Variants in NAP1L4 observed in about 807,000 individuals in gnomAD.
NAP1L4 encodes the protein nucleosome assembly protein 1-like 4.
NAP1L4 carries 15 observed loss-of-function variants against 58.2 expected under a neutral mutation model. That is an observed-to-expected ratio of 0.26 (90% confidence interval 0.17 to 0.40). The LOEUF is 0.40. NAP1L4 is among the 10% of genes least tolerant of loss of function. The probability of loss-of-function intolerance (pLI) is 1.00; values close to 1 mark genes in which losing one functional copy is unlikely to be tolerated. For missense variants in NAP1L4, 384 were observed against 451.1 expected (o/e 0.85, Z 1.35); for synonymous variants, 171 against 155.6 (o/e 1.10, Z -0.74).
intron 6 of NAP1L4, among the ~76,000 whole-genome samples, chr11:2,970,634 A>G (rs150707705): frequency 2.6e-3 from 403 of 152,262 alleles, no homozygotes; most frequent in African/African-American, 9.4e-3. Flanking sequence ...AGATGCAACT[A>G]TGGGAAATTC....
At chr11:2,964,823 T>C (rs938362354) in intron 7 of NAP1L4, 72 bp from the exon 8 acceptor site, 3 of 1,107,780 alleles carry the variant, frequency 2.7e-6, no homozygotes, top group Non-Finnish European at 2.7e-6. Context: ...AGAGTCATGG[T>C]TGCAGAGGCT....
chr11:2,984,727 C>T (rs537851262), intron 1 of NAP1L4, among the ~76,000 whole-genome samples: 16 of 152,312 alleles, frequency 1.1e-4, no homozygotes, highest in Admixed American at 3.9e-4. Context: ...ACCTCAGTTT[C>T]ATCATCCACA....
chr11:2,964,846 A>C, intron 7 of NAP1L4, 95 bp from the exon 8 acceptor site: 1 of 860,378 alleles, frequency 1.2e-6, no homozygotes, highest in East Asian at 2.6e-5. Context: ...CAGATGTTGC[A>C]TAACTAGCCC....
Position 2,944,909 on chromosome 11 carries a change from C to G in NAP1L4, c.*770G>C, listed in dbSNP as rs1470996045. The G allele has an allele frequency of 6.6e-6, 1 of 152,194 alleles. No homozygotes were observed. The highest frequency in any genetic ancestry group is 1.5e-5 in the Non-Finnish European group (1 of 68,060). The allele number at this position is 152,194 out of a possible 1,614,324, so 9.4% of individuals were successfully genotyped here. A position where few individuals can be genotyped will look rare whatever the true frequency, so the allele number is the denominator to read the frequency against. ...GTGGCACATCTTCCTGCTCAGGGCA[C>G]CAAGGTGGTTCAGAAACGTTAAGGA... is the stretch of plus-strand genomic sequence containing the variant. On this transcript the variant is annotated 3_prime_UTR_variant, in exon 16 of 16. Coordinates refer to ENST00000380542, the MANE Select transcript of NAP1L4 (RefSeq NM_005969.4).
chr11:2,981,072 C>T (rs1475809765), intron 1 of NAP1L4, among the ~76,000 whole-genome samples: 1 of 146,794 alleles, frequency 6.8e-6, no homozygotes, highest in Non-Finnish European at 1.5e-5. Flanking sequence ...TCTACAAAAA[C>T]AAACAAACAA....
intron 12 of NAP1L4, among the ~76,000 whole-genome samples, chr11:2,953,730 G>A (rs1407396040): frequency 6.6e-6 from 1 of 152,270 alleles, no homozygotes; most frequent in African/African-American, 2.4e-5. Context: ...GTGAGGAGAT[G>A]TTGGCCTTTA....
chr11:2,964,558 C>G (rs904521682), intron 8 of NAP1L4, 122 bp downstream of exon 8: 1 of 738,108 alleles, frequency 1.4e-6, no homozygotes, highest in Non-Finnish European at 2.3e-6. Flanking sequence ...TCGCCCAGGG[C>G]TGCCCAGCAG....
At chr11:2,953,440 C>T (rs534813949) in intron 12 of NAP1L4, among the ~76,000 whole-genome samples, 9 of 152,216 alleles carry the variant, frequency 5.9e-5, no homozygotes, top group Non-Finnish European at 1.2e-4. Context: ...TATTTCAAGT[C>T]CTCAAGTGGT....
rs977733815 is a variant in NAP1L4 at position 2,955,970 on chromosome 11, C to A, written c.893-204G>T. Among the ~76,000 whole-genome samples, 1 of 152,050 alleles carries A rather than the reference C, an allele frequency of 6.6e-6. No individual in the cohort carries two copies. Among genetic ancestry groups the A allele is most frequent in the Non-Finnish European group, 1.5e-5 (1 of 68,004 alleles). On this transcript the variant is annotated intron_variant, in intron 10 of 15. Coordinates refer to ENST00000380542, the MANE Select transcript of NAP1L4 (RefSeq NM_005969.4). The surrounding 1 kb of genome is among the most constrained non-coding windows in gnomAD (Gnocchi z 4.2). ...ACTTCTGAAGCTGGCCTGAGTGCCT[C>A]TATGCCCCCCTCCCTTCTCCTCCTC...
intron 10 of NAP1L4, among the ~76,000 whole-genome samples, chr11:2,956,183 CT>C (rs1397330077): frequency 1.3e-5 from 2 of 152,222 alleles, no homozygotes; most frequent in Non-Finnish European, 2.9e-5. Flanking sequence ...GTCCTTAAGC[CT>C]TATAAGCTGT....
intron 8 of NAP1L4, among the ~76,000 whole-genome samples, chr11:2,962,118 T>C (rs1475680799): frequency 6.6e-6 from 1 of 151,810 alleles, no homozygotes; most frequent in African/African-American, 2.4e-5. Context: ...TGAACGACCT[T>C]TGGGCCTTCT....
chr11:2,974,987 G>A (rs373209770), intron 4 of NAP1L4, among the ~76,000 whole-genome samples: 1 of 151,994 alleles, frequency 6.6e-6, no homozygotes, highest in Non-Finnish European at 1.5e-5. Context: ...CTGGATGACA[G>A]AGCAAGAGTC....
intron 4 of NAP1L4, among the ~76,000 whole-genome samples, chr11:2,974,291 TC>T (rs1360524574): frequency 6.6e-6 from 1 of 152,150 alleles, no homozygotes; most frequent in African/African-American, 2.4e-5. Context: ...CCCCCAACAG[TC>T]CTTCAATCAT....
chr11:2,975,431 C>G (rs935799268), intron 4 of NAP1L4, among the ~76,000 whole-genome samples: 4 of 152,110 alleles, frequency 2.6e-5, no homozygotes, highest in African/African-American at 7.2e-5. Flanking sequence ...ATAGGCCTCT[C>G]TTAAGAAAGC....
chr11:2,956,274 G>A (rs1202257975), intron 10 of NAP1L4, among the ~76,000 whole-genome samples: 2 of 152,148 alleles, frequency 1.3e-5, no homozygotes, highest in Non-Finnish European at 2.9e-5. Flanking sequence ...ATGCCCACCA[G>A]GGGCCCCTGT....
At chr11:2,984,101 C>T (rs1164993330) in intron 1 of NAP1L4, among the ~76,000 whole-genome samples, 8 of 142,462 alleles carry the variant, frequency 5.6e-5, no homozygotes, top group South Asian at 2.4e-4. Flanking sequence ...GGAGGCCTGG[C>T]GGCTGCAGTG....
Position 2,948,469 on chromosome 11 carries a change from C to T in NAP1L4, c.*32+758G>A, listed in dbSNP as rs560848000. Among the ~76,000 whole-genome samples the T allele has an allele frequency of 3.9e-5, 6 of 152,180 alleles. No individual in the cohort carries two copies. Among genetic ancestry groups the T allele is most frequent in the Admixed American group, 6.5e-5 (1 of 15,282 alleles). ...TTCTCCCACTACATCCCGAGTGCCA[C>T]GAGTGAACAGGTCTCGTCACGGGCA... On this transcript the variant is annotated intron_variant, in intron 15 of 15. Transcript: ENST00000380542. The surrounding 1 kb of genome is among the most constrained non-coding windows in gnomAD (Gnocchi z 5.1).
At chr11:2,970,971 A>G (rs1847607413) in intron 6 of NAP1L4, among the ~76,000 whole-genome samples, 1 of 152,128 alleles carries the variant, frequency 6.6e-6, no homozygotes, top group Non-Finnish European at 1.5e-5. Flanking sequence ...ACAGCACTGG[A>G]ATGGGACCAG....
Position 2,948,877 on chromosome 11 carries a change from G to A in NAP1L4, c.*32+350C>T, listed in dbSNP as rs2133894940. Among the ~76,000 whole-genome samples the A allele has an allele frequency of 6.6e-6, 1 of 152,356 alleles. No homozygotes were observed. Among genetic ancestry groups the A allele is most frequent in the East Asian group, 1.9e-4 (1 of 5,188 alleles). Reference sequence around the variant, plus strand: ...CAGCTGGGACAGCCCAGTGTGTTATGCTCTCTGCAAGGACTGCTTGCTTAT... The same window carrying A: ...CAGCTGGGACAGCCCAGTGTGTTATACTCTCTGCAAGGACTGCTTGCTTAT... On this transcript the variant is annotated intron_variant, in intron 15 of 15. Transcript: ENST00000380542. This position sits in a 1 kb window ranked among gnomAD's most constrained non-coding sequence, Gnocchi z 5.1.
Sources: allele counts gnomAD v4.1 joint callset (sites outside exome capture counted in the v4.1 genomes callset), GRCh38; gene constraint gnomAD v4.1.1; non-coding constraint Gnocchi (gnomAD v3.1); transcripts MANE v1.5; gene names NCBI Gene and HGNC (gene_info 2026-07-23, HGNC 2026-07-21).